Variants in TXLNB observed in about 807,000 individuals in gnomAD.
TXLNB encodes the protein beta-taxilin.
A neutral mutation model predicts 57.4 loss-of-function variants in TXLNB; 37 were observed. That is an observed-to-expected ratio of 0.64 (90% CI 0.50 to 0.85). The LOEUF (loss-of-function observed/expected upper bound fraction) is 0.85, where lower values mean the gene tolerates loss of function less well. TXLNB is among the 40% of genes least tolerant of loss of function. The pLI is 0.00. For missense variants in TXLNB, 848 were observed against 825.6 expected, an observed-to-expected ratio of 1.03 and a Z score of -0.33; for synonymous variants, 302 against 309.6, an observed-to-expected ratio of 0.98 and a Z score of 0.26.
chr6:139,262,491 C>T (rs1776507964), intron 5 of TXLNB, 88 bp downstream of exon 5: 13 of 1,187,460 alleles, frequency 1.1e-5, no homozygotes, highest in African/African-American at 1.5e-5. Context: ...AGAGGGCTGG[C>T]TGTAACTGTC....
Position 139,243,236 on chromosome 6 carries a change from C to A in TXLNB, c.1345G>T (p.Glu449Ter), listed in dbSNP as rs751405472. 3.7e-6 allele frequency: 6 copies of A among 1,614,086 alleles called. No homozygotes were observed. Among genetic ancestry groups the A allele is most frequent in the Non-Finnish European group, 5.1e-6 (6 of 1,180,034 alleles). Residue 449 changes from glutamate to a stop codon, truncating the protein, a stop_gained, in exon 10 of 10, where the codon GAA (glutamate) becomes TAA (stop). Coordinates refer to ENST00000358430, the MANE Select transcript of TXLNB (RefSeq NM_153235.4). LOFTEE classifies it low-confidence loss of function (END_TRUNC). Reference protein sequence around the residue: ...RLENLCRALQEERNELHKKIR... With the variant: ...RLENLCRALQ ...TTTTTGTGGAGTTCGTTTCTCTCTT[C>A]TTGTAAAGCACGGCAGAGGTTCTCT...
intron 4 of TXLNB, among the ~76,000 whole-genome samples, chr6:139,264,800 T>TG (rs1454939054): frequency 6.6e-6 from 1 of 152,122 alleles, no homozygotes; most frequent in Non-Finnish European, 1.5e-5. Context: ...CCTCAGATGA[T>TG]CTGCCCACCT....
intron 3 of TXLNB, among the ~76,000 whole-genome samples, chr6:139,274,681 G>A (rs929333779): frequency 2.0e-5 from 3 of 152,124 alleles, no homozygotes; most frequent in South Asian, 2.1e-4. Flanking sequence ...GAAAATATCG[G>A]TAAGTCTGGA....
chr6:139,192,711 G>A, the TXLNB span, among the ~76,000 whole-genome samples: 1 of 151,918 alleles, frequency 6.6e-6, no homozygotes, highest in African/African-American at 2.4e-5. Context: ...TTCGGAGGCC[G>A]AGGCAGGTGG....
chr6:139,209,627 T>TA, the TXLNB span, among the ~76,000 whole-genome samples: 1 of 152,152 alleles, frequency 6.6e-6, no homozygotes, highest in Non-Finnish European at 1.5e-5. Flanking sequence ...AAGGATACCC[T>TA]ATTCAATAAA....
chr6:139,219,646 C>T, the TXLNB span, among the ~76,000 whole-genome samples: 1 of 152,278 alleles, frequency 6.6e-6, no homozygotes, highest in Non-Finnish European at 1.5e-5. Flanking sequence ...AGTCAGTTAT[C>T]TGGTTCCCCA....
At chr6:139,208,379 C>A in the TXLNB span, among the ~76,000 whole-genome samples, 1 of 152,028 alleles carries the variant, frequency 6.6e-6, no homozygotes, top group Non-Finnish European at 1.5e-5. Context: ...AAAAAGAATT[C>A]GTGACAATCC....
At chr6:139,218,154 C>G in the TXLNB span, among the ~76,000 whole-genome samples, 1 of 152,040 alleles carries the variant, frequency 6.6e-6, no homozygotes, top group East Asian at 1.9e-4. Flanking sequence ...AATGTGTGAC[C>G]AATTCAGTAT....
chr6:139,259,519 G>C (rs940501671), intron 6 of TXLNB, among the ~76,000 whole-genome samples: 2 of 152,180 alleles, frequency 1.3e-5, no homozygotes, highest in Non-Finnish European at 2.9e-5. Context: ...TCATCTGGCA[G>C]GGCTTAGCTC....
chr6:139,205,940 C>T, the TXLNB span, among the ~76,000 whole-genome samples: 29 of 152,244 alleles, frequency 1.9e-4, no homozygotes, highest in Admixed American at 1.2e-3. Context: ...CATCAGGTAA[C>T]GTATAAAGGA....
the TXLNB span, among the ~76,000 whole-genome samples, chr6:139,302,406 C>T: frequency 6.6e-6 from 1 of 151,260 alleles, no homozygotes; most frequent in Non-Finnish European, 1.5e-5. Flanking sequence ...ACAGCAACCA[C>T]AAAAATGAAT....
At chr6:139,249,531 C>T (rs917898556) in intron 7 of TXLNB, among the ~76,000 whole-genome samples, 3 of 152,126 alleles carry the variant, frequency 2.0e-5, no homozygotes, top group Non-Finnish European at 2.9e-5. Flanking sequence ...AGGCACCGAC[C>T]GGTGTTATCA....
At chr6:139,168,074 TC>T in the TXLNB span, among the ~76,000 whole-genome samples, 1 of 152,318 alleles carries the variant, frequency 6.6e-6, no homozygotes, top group African/African-American at 2.4e-5. Context: ...CCCACCTGTC[TC>T]CTTCCCACCA....
chr6:139,315,380 A>G, the TXLNB span, among the ~76,000 whole-genome samples: 888 of 152,310 alleles, frequency 5.8e-3, 9 homozygotes, highest in African/African-American at 0.02. Flanking sequence ...TGTCTTGATA[A>G]ATCGGCTCTG....
chr6:139,228,572 C>T, the TXLNB span, among the ~76,000 whole-genome samples: 2 of 150,238 alleles, frequency 1.3e-5, no homozygotes, highest in African/African-American at 4.9e-5. Context: ...CTAAAAAGAC[C>T]AACATGTTCC....
chr6:139,267,216 G>A (rs965275799), intron 4 of TXLNB, among the ~76,000 whole-genome samples: 4 of 152,130 alleles, frequency 2.6e-5, no homozygotes, highest in African/African-American at 9.7e-5. Flanking sequence ...CATCTGGGTA[G>A]ATAAAAGGGA....
At chr6:139,178,303 T>C in the TXLNB span, 1 of 152,190 alleles carries the variant, frequency 6.6e-6, no homozygotes, top group Non-Finnish European at 1.5e-5. Context: ...ATACAGCCTT[T>C]GGTTCAGTAG....
At position 139,258,241 on chromosome 6, in the gene TXLNB, G is replaced by A. The variant is rs544931051; in HGVS notation, c.1002+2077C>T. ...AATCTGTTTTGCTGAACCAAAACAGGTGCTAGTTTCTTGCTAAGGCTGGGT... is the reference window on the plus strand; with the variant it reads ...AATCTGTTTTGCTGAACCAAAACAGATGCTAGTTTCTTGCTAAGGCTGGGT... On this transcript the variant is annotated intron_variant, in intron 6 of 9. Transcript: ENST00000358430. 5.3e-5 allele frequency among the ~76,000 whole-genome samples: 8 copies of A among 152,274 alleles called. No individual in the cohort carries two copies. In the East Asian group the frequency reaches 1.5e-3, roughly 29 times the overall value.
At chr6:139,214,011 A>G in the TXLNB span, among the ~76,000 whole-genome samples, 1 of 152,214 alleles carries the variant, frequency 6.6e-6, no homozygotes, top group African/African-American at 2.4e-5. Flanking sequence ...AAAAAAGTCC[A>G]GGATCAGATG....
Sources: gnomAD v4.1 joint callset for allele counts (sites outside exome capture counted in the v4.1 genomes callset) on GRCh38, gnomAD v4.1.1 for gene constraint, MANE v1.5 for transcripts, NCBI Gene and HGNC (gene_info 2026-07-23, HGNC 2026-07-21) for gene names.